ZBTB40: variants seen among roughly 807,000 people sequenced by gnomAD.
ZBTB40 encodes zinc finger and BTB domain containing 40, also known as zinc finger and BTB domain-containing protein 40.
A neutral mutation model predicts 117.5 loss-of-function variants in ZBTB40; 60 were observed. The ratio of observed to expected loss-of-function variants is 0.51; its 90% CI spans 0.41 to 0.63. ZBTB40 has a LOEUF of 0.63. Ranked by LOEUF, ZBTB40 falls within the 30% of genes least tolerant of loss-of-function variation. The probability of loss-of-function intolerance (pLI) is 0.00; values close to 1 mark genes in which losing one functional copy is unlikely to be tolerated. For synonymous variants in ZBTB40, 525 were observed against 577.1 expected (o/e 0.91, Z 1.29); for missense variants, 1,287 against 1,498.5 (o/e 0.86, Z 2.33).
intron 3 of ZBTB40, 34 bp downstream of exon 3, chr1:22,491,567 G>C: frequency 6.2e-7 from 1 of 1,608,930 alleles, no homozygotes; most frequent in Non-Finnish European, 8.5e-7. Context: ...TTGTTTGCTA[G>C]TTTAGTGTTC....
At chr1:22,511,486 A>T in intron 10 of ZBTB40, 139 bp downstream of exon 10, 1 of 1,327,336 alleles carries the variant, frequency 7.5e-7, no homozygotes, top group Admixed American at 2.3e-5. Context: ...ATACCTAAAA[A>T]AGTCATGAGA....
chr1:22,471,757 G>T (rs78960301), intron 1 of ZBTB40, among the ~76,000 whole-genome samples: 2,811 of 152,334 alleles, frequency 0.018, 70 homozygotes, highest in Admixed American at 0.064. Flanking sequence ...GGGTTATGGG[G>T]ATGCTGAACA....
intron 12 of ZBTB40, among the ~76,000 whole-genome samples, chr1:22,515,546 A>G (rs1452868371): frequency 6.6e-6 from 1 of 152,022 alleles, no homozygotes; most frequent in Non-Finnish European, 1.5e-5. Context: ...CAGCCCCTAG[A>G]CGTTGCCCGC....
At chr1:22,509,273 C>T (rs1215006911) in intron 9 of ZBTB40, 40 bp downstream of exon 9, 2 of 1,613,430 alleles carry the variant, frequency 1.2e-6, no homozygotes, top group South Asian at 1.1e-5. Flanking sequence ...GAGAGTTTTA[C>T]AGTTGTTGCC....
intron 1 of ZBTB40, among the ~76,000 whole-genome samples, chr1:22,474,821 C>T (rs544495676): frequency 1.3e-5 from 2 of 152,078 alleles, no homozygotes; most frequent in Admixed American, 6.5e-5. Context: ...AACTTCTGTT[C>T]GGTGAAAGCA....
chr1:22,512,757 C>T (rs1397919943), intron 11 of ZBTB40, among the ~76,000 whole-genome samples, 167 bp from the exon 12 acceptor site: 5 of 152,252 alleles, frequency 3.3e-5, no homozygotes, highest in Admixed American at 3.3e-4. Flanking sequence ...GGGTAGAGAG[C>T]AGCGTGGCTG....
rs1639525758 is a variant in ZBTB40, at chr1:22,521,553, C to A, written c.3106C>A (p.Gln1036Lys). ...RTHHPDVFAA[Q>K]NHRSSKFSSL... ...CCACCACCCTGACGTATTTGCTGCT[C>A]AGAACCACCGATCTTCCAAGTTCTC... Residue 1036 changes from glutamine to lysine, a missense_variant, in exon 15 of 18, where the codon CAG (glutamine) becomes AAG (lysine). Transcript: ENST00000375647. 1.2e-6 allele frequency: 2 copies of A among 1,614,088 alleles called. No homozygotes were observed. The highest frequency in any genetic ancestry group is 1.7e-6 in the Non-Finnish European group (2 of 1,180,062).
At chr1:22,522,591 A>G in intron 16 of ZBTB40, 128 bp downstream of exon 16, 1 of 908,222 alleles carries the variant, frequency 1.1e-6, no homozygotes, top group Non-Finnish European at 1.8e-6. Flanking sequence ...CATCTATAAA[A>G]TGGGAACAGT....
chr1:22,437,620 C>T (rs61769191), intron 1 of ZBTB40, among the ~76,000 whole-genome samples: 26,399 of 151,468 alleles, frequency 0.17, 2,950 homozygotes, highest in Non-Finnish European at 0.25. Flanking sequence ...GGGTTTTACC[C>T]GATTTGTCAG....
intron 1 of ZBTB40, among the ~76,000 whole-genome samples, chr1:22,465,597 G>GC (rs1641235535): frequency 6.6e-6 from 1 of 152,188 alleles, no homozygotes; most frequent in African/African-American, 2.4e-5. Context: ...TGTTGTTCAT[G>GC]GTGCTTGGGC....
intron 11 of ZBTB40, 92 bp from the exon 12 acceptor site, chr1:22,512,832 G>A (rs1639277484): frequency 1.6e-5 from 23 of 1,452,198 alleles, no homozygotes; most frequent in Non-Finnish European, 2.1e-5. Context: ...CTGGAGGCCT[G>A]GGCTGAGACA....
upstream of ZBTB40, among the ~76,000 whole-genome samples, chr1:22,450,521 GTACC>G (rs777666882): frequency 6.6e-6 from 1 of 152,196 alleles, no homozygotes; most frequent in Non-Finnish European, 1.5e-5. Context: ...GGACAACAGT[GTACC>G]CTGAAGGGGC....
intron 3 of ZBTB40, among the ~76,000 whole-genome samples, chr1:22,500,403 A>G (rs1416386116): frequency 6.6e-6 from 1 of 152,334 alleles, no homozygotes; most frequent in Non-Finnish European, 1.5e-5. Flanking sequence ...TTTTCAGAGA[A>G]GTTTGCATAA....
intron 12 of ZBTB40, among the ~76,000 whole-genome samples, chr1:22,516,334 C>T (rs999880816): frequency 2.0e-5 from 3 of 152,122 alleles, no homozygotes; most frequent in African/African-American, 7.2e-5. Context: ...TTGGGAGATA[C>T]CTACTAGACA....
At chr1:22,486,749 T>C (rs926328107) in intron 1 of ZBTB40, among the ~76,000 whole-genome samples, 2 of 139,780 alleles carry the variant, frequency 1.4e-5, no homozygotes, top group Non-Finnish European at 3.1e-5. Context: ...TTTGTTTTGT[T>C]TTTTGAGACG....
At chr1:22,449,278 GA>G (rs1229512987), upstream of ZBTB40, among the ~76,000 whole-genome samples, 1 of 152,156 alleles carries the variant, frequency 6.6e-6, no homozygotes, top group East Asian at 1.9e-4. Context: ...AAAAAAAGTT[GA>G]AAAGTTCTCA....
chr1:22,516,670 C>G (rs903176102), intron 12 of ZBTB40, among the ~76,000 whole-genome samples: 1 of 152,166 alleles, frequency 6.6e-6, no homozygotes, highest in Non-Finnish European at 1.5e-5. Context: ...ACCAATTGCC[C>G]TGCTTGCTCT....
chr1:22,489,891 C>T lies in ZBTB40; in HGVS notation c.-58C>T. The stretch of plus-strand genomic sequence containing the variant: ...GTGGGTTTCTCTAGGGCCTGTCCTC[C>T]CAAAGCCAACTCTAAGGAGAGGAGA... On this transcript the variant is annotated 5_prime_UTR_variant, in exon 2 of 18. Transcript: ENST00000375647. The T allele has an allele frequency of 6.4e-7, 1 of 1,572,552 alleles. No individual in the cohort carries two copies. The highest frequency in any genetic ancestry group is 1.1e-5 in the South Asian group (1 of 90,320).
chr1:22,501,371 T>C (rs1204928540), intron 3 of ZBTB40, 121 bp from the exon 4 acceptor site: 4 of 1,031,278 alleles, frequency 3.9e-6, no homozygotes, highest in African/African-American at 3.2e-5. Flanking sequence ...GTGCAGTGGG[T>C]GAGGAGCTTC....
Sources: allele counts gnomAD v4.1 joint callset (sites outside exome capture counted in the v4.1 genomes callset), GRCh38; gene constraint gnomAD v4.1.1; transcripts MANE v1.5; gene names NCBI Gene and HGNC (gene_info 2026-07-23, HGNC 2026-07-21).